Variants in SPIDR observed in about 807,000 individuals in gnomAD.
The protein encoded by SPIDR is scaffold protein involved in DNA repair.
Under a neutral mutation model 104.6 loss-of-function variants are expected in SPIDR, and 93 were observed. That is an observed-to-expected ratio of 0.89 (90% CI 0.75 to 1.06). The LOEUF is 1.06. Ranked by LOEUF, SPIDR falls within the 50% of genes least tolerant of loss-of-function variation. The pLI is 0.00. For missense variants in SPIDR, 1,154 were observed against 1,111.2 expected (o/e 1.04, Z -0.55); for synonymous variants, 431 against 416.9 (o/e 1.03, Z -0.41).
chr8:47,266,578 A>G (rs1268355650), intron 1 of SPIDR, among the ~76,000 whole-genome samples: 1 of 152,222 alleles, frequency 6.6e-6, no homozygotes, highest in Non-Finnish European at 1.5e-5. Flanking sequence ...ACATTTGTGT[A>G]CAGGTTTTTG....
At chr8:47,276,996 T>C (rs2036563488) in intron 1 of SPIDR, 1 of 151,526 alleles carries the variant, frequency 6.6e-6, no homozygotes, top group Admixed American at 6.6e-5. Context: ...TGGCACAATC[T>C]TGGCTCACCG....
At chr8:47,448,454 C>T (rs1252597197) in intron 8 of SPIDR, among the ~76,000 whole-genome samples, 1 of 152,100 alleles carries the variant, frequency 6.6e-6, no homozygotes, top group Non-Finnish European at 1.5e-5. Flanking sequence ...CCTGGGAATA[C>T]AACATTCAAC....
intron 8 of SPIDR, among the ~76,000 whole-genome samples, chr8:47,441,700 T>C (rs1554697160): frequency 6.6e-6 from 1 of 152,100 alleles, no homozygotes; most frequent in Non-Finnish European, 1.5e-5. Context: ...TTTTGTATCA[T>C]AGATAGAAAG....
At position 47,555,907 on chromosome 8, in the gene SPIDR, A is replaced by T. The variant is rs564130073; in HGVS notation, c.1098-39904A>T. Among the ~76,000 whole-genome samples, 6 of 152,346 alleles carry T rather than the reference A, an allele frequency of 3.9e-5. No individual in the cohort carries two copies. In the South Asian group the frequency reaches 8.3e-4, roughly 21 times the overall value. ...TTACTTTTTCATTCATCAAGTCAGAATGTTGACAGTAGTCTGTCTGTCTGA... is the reference window on the plus strand; with the variant it reads ...TTACTTTTTCATTCATCAAGTCAGATTGTTGACAGTAGTCTGTCTGTCTGA... On this transcript the variant is annotated intron_variant, in intron 8 of 19. Coordinates refer to ENST00000297423, the MANE Select transcript of SPIDR (RefSeq NM_001080394.4).
At chr8:47,479,738 C>T (rs1554725892) in intron 8 of SPIDR, among the ~76,000 whole-genome samples, 5 of 152,196 alleles carry the variant, frequency 3.3e-5, no homozygotes, top group Non-Finnish European at 5.9e-5. Context: ...GAATTTGCTA[C>T]ACATTCTAGT....
chr8:47,495,947 G>T (rs1236910352), intron 8 of SPIDR, among the ~76,000 whole-genome samples: 1 of 151,708 alleles, frequency 6.6e-6, no homozygotes, highest in Non-Finnish European at 1.5e-5. Context: ...TGATACTATT[G>T]TAAATGAAAT....
chr8:47,561,069 G>C (rs2057008608), intron 8 of SPIDR, among the ~76,000 whole-genome samples: 1 of 152,186 alleles, frequency 6.6e-6, no homozygotes, highest in Admixed American at 6.5e-5. Flanking sequence ...AGAGCCACCA[G>C]GATGCTCCAC....
At chr8:47,533,150 T>G (rs1587306290) in intron 8 of SPIDR, among the ~76,000 whole-genome samples, 1 of 152,254 alleles carries the variant, frequency 6.6e-6, no homozygotes, top group East Asian at 1.9e-4. Context: ...AAAAAATATT[T>G]AAATCAGTAA....
chr8:47,405,515 T>C (rs1301857968), intron 6 of SPIDR, among the ~76,000 whole-genome samples: 1 of 152,234 alleles, frequency 6.6e-6, no homozygotes, highest in Non-Finnish European at 1.5e-5. Flanking sequence ...TCAGTTGGAA[T>C]ATTTTTGAAT....
At chr8:47,420,290 T>C (rs1445237744) in intron 7 of SPIDR, among the ~76,000 whole-genome samples, 5 of 152,188 alleles carry the variant, frequency 3.3e-5, no homozygotes, top group African/African-American at 1.2e-4. Flanking sequence ...TTTATGAGTC[T>C]GGGTGCTCCT....
At chr8:47,652,894 G>A (rs950600650) in intron 10 of SPIDR, among the ~76,000 whole-genome samples, 1 of 152,114 alleles carries the variant, frequency 6.6e-6, no homozygotes, top group Non-Finnish European at 1.5e-5. Flanking sequence ...ATTCAGAAGC[G>A]AATCACCTAA....
intron 11 of SPIDR, among the ~76,000 whole-genome samples, chr8:47,681,593 C>T (rs1266710750): frequency 6.6e-6 from 1 of 152,116 alleles, no homozygotes; most frequent in Non-Finnish European, 1.5e-5. Flanking sequence ...TTAAAGGAAA[C>T]ATATTTTTTA....
chr8:47,722,375 C>A (rs1328774545), intron 16 of SPIDR, among the ~76,000 whole-genome samples: 1 of 152,154 alleles, frequency 6.6e-6, no homozygotes, highest in East Asian at 1.9e-4. Flanking sequence ...TGTCTTACTG[C>A]ATTAGCTAGG....
At chr8:47,407,294 AT>A (rs2062885611) in intron 6 of SPIDR, among the ~76,000 whole-genome samples, 1 of 152,200 alleles carries the variant, frequency 6.6e-6, no homozygotes, top group Admixed American at 6.5e-5. Flanking sequence ...TGATACTCAA[AT>A]ATCTCTGGAG....
chr8:47,388,827 A>C lies in SPIDR; in HGVS notation c.526-7549A>C, dbSNP rs371320878. Among the ~76,000 whole-genome samples the C allele has an allele frequency of 1.4e-4, 22 of 152,362 alleles. No homozygotes were observed. The East Asian group carries it at 4.2e-3, about 29-fold the overall frequency. The stretch of plus-strand genomic sequence containing the variant: ...AGATGTGTACTACAGCAGTATTGCT[A>C]ACTTTGGAAACGGAGCCAGTATTGA... On this transcript the variant is annotated intron_variant, in intron 5 of 19. Coordinates refer to ENST00000297423, the MANE Select transcript of SPIDR (RefSeq NM_001080394.4).
rs2154488789 is a variant in SPIDR at position 47,713,473 on chromosome 8, G to A, written c.2189-16G>A. 1.9e-6 allele frequency: 3 copies of A among 1,613,940 alleles called. No homozygotes were observed. The highest frequency in any genetic ancestry group is 4.5e-5 in the East Asian group (2 of 44,872). ...TTCTTCAAGGCTTCAATAACCTGAA[G>A]TGTCTCTGTCGGCAGGTCGGATTGT... On this transcript the variant is annotated splice_polypyrimidine_tract_variant and intron_variant, in intron 15 of 19. Coordinates refer to ENST00000297423, the MANE Select transcript of SPIDR (RefSeq NM_001080394.4).
intron 2 of SPIDR, among the ~76,000 whole-genome samples, chr8:47,280,330 A>G (rs922935692): frequency 7.3e-5 from 11 of 150,494 alleles, no homozygotes; most frequent in African/African-American, 2.7e-4. Flanking sequence ...GGCATCCTTC[A>G]GGCTATCTTG....
At chr8:47,374,210 G>A (rs2058382874) in intron 5 of SPIDR, among the ~76,000 whole-genome samples, 1 of 152,172 alleles carries the variant, frequency 6.6e-6, no homozygotes, top group Admixed American at 6.5e-5. Flanking sequence ...CAGGATAATA[G>A]TAAGCAGTTC....
At chr8:47,347,806 A>G (rs1279740470) in intron 5 of SPIDR, among the ~76,000 whole-genome samples, 2 of 151,884 alleles carry the variant, frequency 1.3e-5, no homozygotes, top group African/African-American at 4.8e-5. Context: ...TGCTTGGTAG[A>G]TCTTCCTCCG....
Sources: gnomAD v4.1 joint callset for allele counts (sites outside exome capture counted in the v4.1 genomes callset) on GRCh38, gnomAD v4.1.1 for gene constraint, MANE v1.5 for transcripts, NCBI Gene and HGNC (gene_info 2026-07-23, HGNC 2026-07-21) for gene names.